Variants in RTTN observed in about 807,000 individuals in gnomAD.
RTTN encodes the protein rotatin.
A neutral mutation model predicts 269.2 loss-of-function variants in RTTN; 182 were observed. That is an observed-to-expected ratio of 0.68 (90% CI 0.60 to 0.76). The LOEUF (loss-of-function observed/expected upper bound fraction) is 0.76, where lower values mean the gene tolerates loss of function less well. Among genes scored for constraint, RTTN ranks in the 30% least tolerant of loss-of-function variants. RTTN has a pLI of 0.00. For missense variants in RTTN, 2,545 were observed against 2,608.6 expected (o/e 0.98, Z 0.53); for synonymous variants, 1,006 against 963.5 (o/e 1.04, Z -0.82).
At position 70,024,512 on chromosome 18, in the gene RTTN, G is replaced by T. The variant is rs73970817; in HGVS notation, c.5950+210C>A. On this transcript the variant is annotated intron_variant, in intron 44 of 48. Coordinates refer to ENST00000640769, the MANE Select transcript of RTTN (RefSeq NM_173630.4). ...CCAGTCCTCCCTCTCTATTCCCTGC[G>T]CTGCCAATGACTCTCTCATGTCAAC... is the stretch of plus-strand genomic sequence containing the variant. Among the ~76,000 whole-genome samples, 4 of 152,162 alleles carry T rather than the reference G, an allele frequency of 2.6e-5. No homozygotes were observed. The East Asian group carries it at 5.8e-4, about 22-fold the overall frequency.
chr18:70,016,356 C>G (rs114822128), intron 46 of RTTN, among the ~76,000 whole-genome samples: 1 of 152,038 alleles, frequency 6.6e-6, no homozygotes, highest in African/African-American at 2.4e-5. Context: ...CCAGAAATAG[C>G]GCTAGGCACT....
chr18:70,072,555 T>C (rs936772374), intron 34 of RTTN, among the ~76,000 whole-genome samples: 1 of 152,164 alleles, frequency 6.6e-6, no homozygotes, highest in Non-Finnish European at 1.5e-5. Flanking sequence ...TTTTGCTTTT[T>C]GTATTTAGGT....
chr18:70,072,854 A>G (rs572450470), intron 34 of RTTN, among the ~76,000 whole-genome samples: 2 of 152,118 alleles, frequency 1.3e-5, no homozygotes, highest in Admixed American at 1.3e-4. Context: ...AAAGGTACAC[A>G]CTATCTCCAC....
chr18:70,075,511 G>C lies in RTTN; in HGVS notation c.4405C>G (p.Leu1469Val), dbSNP rs1278224241. The C allele has an allele frequency of 1.3e-6, 2 of 1,594,152 alleles. No homozygotes were observed. Among genetic ancestry groups the C allele is most frequent in the South Asian group, 1.2e-5 (1 of 86,574 alleles). Residue 1469 changes from leucine to valine, a missense_variant, in exon 33 of 49, where the codon CTA (leucine) becomes GTA (valine). Physicochemically the swap from Leu to Val is conservative, Grantham distance 32. Coordinates refer to ENST00000640769, the MANE Select transcript of RTTN (RefSeq NM_173630.4). ...AGGGCAGGTTTTCCAATGAGCGATA[G>C]GCCAGAGTCCTCATCATGAACACAG... The part of the protein sequence containing the change: ...GPCVHDEDSG[L>V]SLIGKPALQA...
At chr18:70,176,539 T>TA in intron 11 of RTTN, 136 bp downstream of exon 11, 1 of 627,158 alleles carries the variant, frequency 1.6e-6, no homozygotes, top group Non-Finnish European at 2.4e-6. Flanking sequence ...ATTTCCCATA[T>TA]AACCTGTTAC....
intron 32 of RTTN, among the ~76,000 whole-genome samples, chr18:70,080,917 T>C (rs1268570300): frequency 6.9e-6 from 1 of 144,272 alleles, no homozygotes; most frequent in African/African-American, 2.6e-5. Context: ...GATAAACTGG[T>C]GTGTGTGGTA....
At chr18:70,136,526 A>C (rs1251882287) in intron 21 of RTTN, among the ~76,000 whole-genome samples, 2 of 152,042 alleles carry the variant, frequency 1.3e-5, no homozygotes, top group Non-Finnish European at 2.9e-5. Context: ...CAAGTCACTA[A>C]AAAGAAAGTA....
chr18:70,121,546 C>T lies in RTTN; in HGVS notation c.3528+10G>A. On this transcript the variant is annotated intron_variant, in intron 26 of 48. Transcript: ENST00000640769. The stretch of plus-strand genomic sequence containing the variant: ...CAAACTTAAAATCCAAATTCCTTAA[C>T]ACCACTTACATGTCTAAGAAGTAAT... 6.5e-7 allele frequency: 1 copy of T among 1,544,818 alleles called. No homozygotes were observed.
Position 70,047,981 on chromosome 18 carries a change from A to G in RTTN, c.5531T>C (p.Val1844Ala). The part of the protein sequence containing the change: ...NQKSLEQLSD[V>A]ILQCYEGKSS... ...CAAGAAATGACGTACCTGAAGGATTACATCACTAAGTTGTTCTAGAGATTT... is the reference window on the plus strand; with the variant it reads ...CAAGAAATGACGTACCTGAAGGATTGCATCACTAAGTTGTTCTAGAGATTT... The change falls in exon 40 of 49, where the codon GTA becomes GCA. Residue 1844 changes from valine to alanine, a missense_variant. Transcript: ENST00000640769. 2 of 1,613,254 alleles carry G rather than the reference A, an allele frequency of 1.2e-6. No individual in the cohort carries two copies. The highest frequency in any genetic ancestry group is 4.5e-5 in the East Asian group (2 of 44,860).
intron 43 of RTTN, 92 bp from the exon 44 acceptor site, chr18:70,024,940 G>C (rs2056811592): frequency 1.4e-6 from 2 of 1,393,644 alleles, no homozygotes; most frequent in South Asian, 2.8e-5. Context: ...ATCAACATAA[G>C]ACCCAAGGAG....
intron 27 of RTTN, among the ~76,000 whole-genome samples, chr18:70,110,342 C>T (rs2059431399): frequency 6.6e-6 from 1 of 151,990 alleles, no homozygotes. Flanking sequence ...CGGGTGATTT[C>T]TGCATTTCCA....
chr18:70,170,361 G>T (rs2061106648), intron 11 of RTTN, among the ~76,000 whole-genome samples: 1 of 152,098 alleles, frequency 6.6e-6, no homozygotes, highest in South Asian at 2.1e-4. Flanking sequence ...TGTTAGGTGT[G>T]GCTAAAAAGT....
intron 5 of RTTN, 93 bp from the exon 6 acceptor site, chr18:70,197,831 T>C: frequency 2.5e-6 from 2 of 797,784 alleles, no homozygotes; most frequent in Admixed American, 2.3e-5. Context: ...TAACAATCTT[T>C]TGGGTCTCAG....
intron 46 of RTTN, among the ~76,000 whole-genome samples, chr18:70,010,133 T>C (rs1480345596): frequency 6.6e-6 from 1 of 152,052 alleles, no homozygotes; most frequent in Non-Finnish European, 1.5e-5. Flanking sequence ...CACACAATAA[T>C]CATGGGAGAC....
At chr18:70,140,318 A>C (rs1451372647) in intron 19 of RTTN, 130 bp from the exon 20 acceptor site, 1 of 583,618 alleles carries the variant, frequency 1.7e-6, no homozygotes. Flanking sequence ...TGGGGTTGAC[A>C]TAAGAGTATG....
At chr18:70,157,346 G>A (rs2060709511) in intron 14 of RTTN, among the ~76,000 whole-genome samples, 1 of 152,154 alleles carries the variant, frequency 6.6e-6, no homozygotes, top group South Asian at 2.1e-4. Flanking sequence ...CACAGCCCAG[G>A]GGTGCTGAGC....
At chr18:70,046,478 T>C (rs1018794718) in intron 40 of RTTN, among the ~76,000 whole-genome samples, 9 of 152,158 alleles carry the variant, frequency 5.9e-5, no homozygotes, top group Non-Finnish European at 1.3e-4. Flanking sequence ...TTAAATTACA[T>C]AGGGGTTGTG....
chr18:70,052,642 T>TATATATATA (rs372511831), intron 38 of RTTN, among the ~76,000 whole-genome samples: 2,475 of 145,902 alleles, frequency 0.017, 36 homozygotes, highest in Non-Finnish European at 0.026. Context: ...ATTTATTTAC[T>TATATATATA]TATATATATA....
At chr18:70,096,842 C>T (rs906477881) in intron 28 of RTTN, among the ~76,000 whole-genome samples, 11 of 152,212 alleles carry the variant, frequency 7.2e-5, no homozygotes, top group African/African-American at 2.4e-4. Flanking sequence ...AGATCCACTG[C>T]TCTCTTCAGA....
Sources: allele counts gnomAD v4.1 joint callset (sites outside exome capture counted in the v4.1 genomes callset), GRCh38; gene constraint gnomAD v4.1.1; transcripts MANE v1.5; gene names NCBI Gene and HGNC (gene_info 2026-07-23, HGNC 2026-07-21).